The following CFAP299 variants were observed in gnomAD, a reference collection of about 807,000 sequenced individuals.
The protein encoded by CFAP299 is cilia and flagella associated protein 299, also known as cilia- and flagella-associated protein 299.
In CFAP299, 21 loss-of-function variants were observed where a neutral mutation model predicts 27.0. That is an observed-to-expected ratio of 0.78 (90% CI 0.55 to 1.12). CFAP299 has a LOEUF of 1.12. Ranked by LOEUF, CFAP299 falls within the 50% of genes most tolerant of loss-of-function variation. The probability of loss-of-function intolerance (pLI) is 0.00; values close to 1 mark genes in which losing one functional copy is unlikely to be tolerated. For synonymous variants in CFAP299, 104 were observed against 98.1 expected (o/e 1.06, Z -0.36); for missense variants, 310 against 276.6 (o/e 1.12, Z -0.86).
At chr4:80,674,608 G>A (rs1719284179) in intron 3 of CFAP299, among the ~76,000 whole-genome samples, 1 of 152,144 alleles carries the variant, frequency 6.6e-6, no homozygotes, top group Non-Finnish European at 1.5e-5. Flanking sequence ...ATAATATCCT[G>A]AAGAGTGTTT....
chr4:80,794,342 G>C (rs560802687), intron 3 of CFAP299, among the ~76,000 whole-genome samples: 18 of 152,260 alleles, frequency 1.2e-4, no homozygotes, highest in African/African-American at 4.3e-4. Flanking sequence ...CAAAAATTTT[G>C]CTAGTGGATC....
Position 80,866,486 on chromosome 4 carries a change from C to T in CFAP299, c.334-3507C>T, listed in dbSNP as rs1195576552. Among the ~76,000 whole-genome samples the T allele has an allele frequency of 3.3e-5, 5 of 152,170 alleles. No individual in the cohort carries two copies. The South Asian group carries it at 8.3e-4, about 25-fold the overall frequency. ...AGAAAGAGGCTGCTCAATGGCCAAA[C>T]TAGTTAAATGCTCAGGTTTAAGCAG... On this transcript the variant is annotated intron_variant, in intron 3 of 5. Coordinates refer to ENST00000358105, the MANE Select transcript of CFAP299 (RefSeq NM_152770.3).
At chr4:80,707,617 T>C (rs71596028) in intron 3 of CFAP299, among the ~76,000 whole-genome samples, 1 of 152,046 alleles carries the variant, frequency 6.6e-6, no homozygotes, top group Admixed American at 6.6e-5. Flanking sequence ...ATAGTCATTG[T>C]TTATCTTTAG....
At chr4:80,634,236 C>A (rs1250273809) in intron 3 of CFAP299, among the ~76,000 whole-genome samples, 1 of 152,060 alleles carries the variant, frequency 6.6e-6, no homozygotes, top group Non-Finnish European at 1.5e-5. Context: ...CCCGCCTCGG[C>A]CTCCCAAAGT....
intron 2 of CFAP299, among the ~76,000 whole-genome samples, chr4:80,427,922 A>G (rs937607201): frequency 1.3e-5 from 2 of 152,180 alleles, no homozygotes; most frequent in African/African-American, 4.8e-5. Flanking sequence ...TTAATTCACA[A>G]ATGGTCATTA....
At chr4:80,359,607 AT>A (rs1399752229) in intron 1 of CFAP299, among the ~76,000 whole-genome samples, 1 of 152,120 alleles carries the variant, frequency 6.6e-6, no homozygotes, top group Non-Finnish European at 1.5e-5. Flanking sequence ...CACTTGGTCT[AT>A]TCTGCTATTA....
the CFAP299 span, among the ~76,000 whole-genome samples, chr4:80,327,592 C>T: frequency 1.4e-5 from 2 of 143,964 alleles, no homozygotes; most frequent in African/African-American, 5.1e-5. Context: ...TTATAGTTGT[C>T]CAGGCAAAAA....
intron 3 of CFAP299, among the ~76,000 whole-genome samples, chr4:80,710,814 A>C (rs1295091441): frequency 6.6e-6 from 1 of 152,022 alleles, no homozygotes; most frequent in Non-Finnish European, 1.5e-5. Context: ...TACAATGAAC[A>C]CTAATACTGG....
intron 2 of CFAP299, among the ~76,000 whole-genome samples, chr4:80,531,543 A>G (rs1488231617): frequency 2.0e-5 from 3 of 152,164 alleles, no homozygotes; most frequent in African/African-American, 7.2e-5. Flanking sequence ...ATTATCTTTT[A>G]AAGTCTGCAG....
chr4:80,424,480 G>T (rs566894835), intron 2 of CFAP299, among the ~76,000 whole-genome samples: 108 of 152,282 alleles, frequency 7.1e-4, no homozygotes, highest in African/African-American at 2.5e-3. Flanking sequence ...TTTATGGGAG[G>T]CACTGAGGAT....
chr4:80,663,985 G>T (rs546069086), intron 3 of CFAP299, among the ~76,000 whole-genome samples: 5 of 152,132 alleles, frequency 3.3e-5, no homozygotes, highest in African/African-American at 1.2e-4. Context: ...TAAGTCGTTT[G>T]TTTTGTTCTC....
At chr4:80,698,951 G>A (rs1365028467) in intron 3 of CFAP299, among the ~76,000 whole-genome samples, 1 of 152,148 alleles carries the variant, frequency 6.6e-6, no homozygotes, top group Non-Finnish European at 1.5e-5. Context: ...GATGAGATTT[G>A]GGTGTGGACA....
chr4:80,326,239 G>GGT, the CFAP299 span, among the ~76,000 whole-genome samples: 1 of 151,944 alleles, frequency 6.6e-6, no homozygotes, highest in South Asian at 2.1e-4. Flanking sequence ...ATGGGATTGT[G>GGT]GTGTGTGTGT....
At position 80,813,308 on chromosome 4, in the gene CFAP299, A is replaced by T. The variant is rs1027617250; in HGVS notation, c.334-56685A>T. On this transcript the variant is annotated intron_variant, in intron 3 of 5. Transcript: ENST00000358105. ...TTGGCACAGTAAATTTAGAAGCAAT[A>T]TTCTAGCACTCAACAACTACATTTT... 5.9e-5 allele frequency among the ~76,000 whole-genome samples: 9 copies of T among 152,168 alleles called. No individual in the cohort carries two copies. The East Asian group carries it at 1.7e-3, about 29-fold the overall frequency.
intron 2 of CFAP299, among the ~76,000 whole-genome samples, chr4:80,444,353 A>T (rs1030920622): frequency 6.6e-6 from 1 of 152,204 alleles, no homozygotes; most frequent in Non-Finnish European, 1.5e-5. Context: ...GGAACAGAAC[A>T]GAAGCCTCAG....
At chr4:80,646,464 G>C (rs1450906940) in intron 3 of CFAP299, among the ~76,000 whole-genome samples, 2 of 152,130 alleles carry the variant, frequency 1.3e-5, no homozygotes, top group East Asian at 3.9e-4. Flanking sequence ...CAGAATAAGA[G>C]TACTACAATT....
chr4:80,688,028 C>T (rs904988567), intron 3 of CFAP299, among the ~76,000 whole-genome samples: 5 of 152,226 alleles, frequency 3.3e-5, no homozygotes, highest in Non-Finnish European at 4.4e-5. Flanking sequence ...GCACCTGGCT[C>T]GGAGGGTCCT....
chr4:80,835,238 T>C (rs1316991335), intron 3 of CFAP299, among the ~76,000 whole-genome samples: 1 of 152,144 alleles, frequency 6.6e-6, no homozygotes, highest in Non-Finnish European at 1.5e-5. Flanking sequence ...TAGCTGGGAC[T>C]ACAGGCGCCC....
At chr4:80,525,144 G>A (rs1733107783) in intron 2 of CFAP299, among the ~76,000 whole-genome samples, 1 of 152,014 alleles carries the variant, frequency 6.6e-6, no homozygotes, top group Non-Finnish European at 1.5e-5. Context: ...GTTTTTCTAA[G>A]ACAGAATCTC....
Sources: gnomAD v4.1 joint callset for allele counts (sites outside exome capture counted in the v4.1 genomes callset) on GRCh38, gnomAD v4.1.1 for gene constraint, MANE v1.5 for transcripts, NCBI Gene and HGNC (gene_info 2026-07-23, HGNC 2026-07-21) for gene names.